The following PARD3B variants were observed in gnomAD, a reference collection of about 807,000 sequenced individuals.
PARD3B encodes par-3 family cell polarity regulator beta, also known as partitioning defective 3 homolog B.
PARD3B carries 103 observed loss-of-function variants against 130.2 expected under a neutral mutation model. The observed-to-expected ratio is 0.79, with a 90% CI of 0.67 to 0.93. PARD3B has a LOEUF of 0.93. Among genes scored for constraint, PARD3B ranks in the 40% least tolerant of loss-of-function variants. PARD3B has a pLI of 0.00. For synonymous variants in PARD3B, 583 were observed against 553.2 expected (o/e 1.05, Z -0.76); for missense variants, 1,609 against 1,499.2 (o/e 1.07, Z -1.21).
At chr2:205,337,769 T>C (rs557457305) in intron 18 of PARD3B, among the ~76,000 whole-genome samples, 1 of 152,338 alleles carries the variant, frequency 6.6e-6, no homozygotes, top group Non-Finnish European at 1.5e-5. Flanking sequence ...AATAAGTGCT[T>C]GTGTCAAAAA....
chr2:204,854,893 A>C (rs2044859224), intron 2 of PARD3B, among the ~76,000 whole-genome samples: 1 of 152,142 alleles, frequency 6.6e-6, no homozygotes, highest in Admixed American at 6.5e-5. Flanking sequence ...TAATAGGAAG[A>C]AAAGAAGAGA....
rs74924400 is a variant in PARD3B at position 205,581,578 on chromosome 2, T to C, written c.3260+28175T>C. Among the ~76,000 whole-genome samples, 384 of 150,498 alleles carry C rather than the reference T, an allele frequency of 2.6e-3. 2 individuals carry two copies. Among genetic ancestry groups the C allele is most frequent in the African/African-American group, 8.8e-3 (359 of 40,870 alleles). ...GGTAACTACAGCCAATAATTTAGTATATATTTTTAAATAACTAAAACAGTG... is the reference window on the plus strand; with the variant it reads ...GGTAACTACAGCCAATAATTTAGTACATATTTTTAAATAACTAAAACAGTG... On this transcript the variant is annotated intron_variant, in intron 22 of 22. Coordinates refer to ENST00000406610, the MANE Select transcript of PARD3B (RefSeq NM_001302769.2).
At chr2:204,574,730 G>A (rs2032168429) in intron 1 of PARD3B, among the ~76,000 whole-genome samples, 1 of 152,156 alleles carries the variant, frequency 6.6e-6, no homozygotes, top group Non-Finnish European at 1.5e-5. Flanking sequence ...ATATGGTGCT[G>A]GACACACACT....
rs1398499897 is a variant in PARD3B at position 205,352,161 on chromosome 2, G to A, written c.2631-48852G>A. On this transcript the variant is annotated intron_variant, in intron 18 of 22. Transcript: ENST00000406610. The surrounding 1 kb of genome is among the most constrained non-coding windows in gnomAD (Gnocchi z 5.2). ...CATTGAGCTTAGTGCTTTTTGTAGG[G>A]TCGGCATATTATAGGTTTCCCTCAT... is the stretch of plus-strand genomic sequence containing the variant. 1.3e-5 allele frequency among the ~76,000 whole-genome samples: 2 copies of A among 152,056 alleles called. No individual in the cohort carries two copies. The highest frequency in any genetic ancestry group is 4.8e-5 in the African/African-American group (2 of 41,400).
At chr2:205,246,149 A>G (rs796197569) in intron 16 of PARD3B, among the ~76,000 whole-genome samples, 14 of 152,150 alleles carry the variant, frequency 9.2e-5, no homozygotes, top group African/African-American at 3.4e-4. Flanking sequence ...TCCCATGATG[A>G]CTTTCATATT....
intron 18 of PARD3B, among the ~76,000 whole-genome samples, chr2:205,348,390 T>G (rs2043872897): frequency 1.3e-5 from 2 of 152,182 alleles, no homozygotes; most frequent in South Asian, 2.1e-4. Context: ...TATACCAAAG[T>G]CACACACTCA....
At chr2:205,442,015 A>AAAT (rs2047732207) in intron 20 of PARD3B, among the ~76,000 whole-genome samples, 2 of 152,298 alleles carry the variant, frequency 1.3e-5, no homozygotes, top group South Asian at 4.2e-4. Context: ...TTTATTGTAT[A>AAAT]AATAATAACA....
chr2:205,243,936 A>G (rs1439915932), intron 15 of PARD3B, among the ~76,000 whole-genome samples: 1 of 152,206 alleles, frequency 6.6e-6, no homozygotes, highest in Non-Finnish European at 1.5e-5. Context: ...AATCATTATC[A>G]TTGTTTTCTA....
rs1263316083 is a variant in PARD3B at position 205,572,317 on chromosome 2, G to A, written c.3260+18914G>A. ...ATTTGAAGAAGTGGCAAGATGTGTA[G>A]CACTTTATACAACACGCTAGGGACT... On this transcript the variant is annotated intron_variant, in intron 22 of 22. Coordinates refer to ENST00000406610, the MANE Select transcript of PARD3B (RefSeq NM_001302769.2). The surrounding 1 kb of genome is among the most constrained non-coding windows in gnomAD (Gnocchi z 4.2). Among the ~76,000 whole-genome samples the A allele has an allele frequency of 1.3e-5, 2 of 152,206 alleles. No individual in the cohort carries two copies. Among genetic ancestry groups the A allele is most frequent in the Admixed American group, 6.5e-5 (1 of 15,284 alleles).
intron 21 of PARD3B, among the ~76,000 whole-genome samples, chr2:205,508,746 G>C (rs1403491864): frequency 2.0e-5 from 3 of 152,098 alleles, no homozygotes; most frequent in African/African-American, 7.2e-5. Flanking sequence ...CAGTGGAACT[G>C]AGGATTGGAA....
intron 11 of PARD3B, among the ~76,000 whole-genome samples, chr2:205,166,614 G>A (rs2034834209): frequency 6.6e-6 from 1 of 152,150 alleles, no homozygotes; most frequent in African/African-American, 2.4e-5. Flanking sequence ...ATTTCAATCT[G>A]GAATACAAGG....
At chr2:204,711,048 A>G (rs2125298952) in intron 2 of PARD3B, among the ~76,000 whole-genome samples, 1 of 152,340 alleles carries the variant, frequency 6.6e-6, no homozygotes, top group East Asian at 1.9e-4. Context: ...TTTTAAATTT[A>G]ATATTGATGT....
At chr2:205,048,427 T>A (rs1163934182) in intron 4 of PARD3B, 1 of 152,224 alleles carries the variant, frequency 6.6e-6, no homozygotes, top group Non-Finnish European at 1.5e-5. Context: ...AAATCCTCAG[T>A]TGCTTTGAAG....
At chr2:205,022,851 G>A (rs931810623) in intron 3 of PARD3B, among the ~76,000 whole-genome samples, 2 of 152,144 alleles carry the variant, frequency 1.3e-5, no homozygotes, top group Non-Finnish European at 2.9e-5. Flanking sequence ...CAGAAAACAG[G>A]CATGCAAGGC....
chr2:205,305,881 C>T (rs116115644), intron 18 of PARD3B, among the ~76,000 whole-genome samples: 36 of 152,042 alleles, frequency 2.4e-4, no homozygotes, highest in African/African-American at 7.5e-4. Context: ...TAATAATGAC[C>T]CCTGAAGGTG....
intron 1 of PARD3B, among the ~76,000 whole-genome samples, chr2:204,568,117 G>C (rs1213381863): frequency 6.6e-6 from 1 of 152,156 alleles, no homozygotes; most frequent in African/African-American, 2.4e-5. Context: ...AAAGAGTTTT[G>C]ACTTTGCAGA....
At chr2:205,439,932 C>T (rs548465550) in intron 19 of PARD3B, among the ~76,000 whole-genome samples, 1 of 152,248 alleles carries the variant, frequency 6.6e-6, no homozygotes, top group East Asian at 1.9e-4. Context: ...TACACAGGAA[C>T]TCTAGGGCAC....
intron 1 of PARD3B, among the ~76,000 whole-genome samples, chr2:204,672,907 A>G (rs951581136): frequency 2.0e-5 from 3 of 152,254 alleles, no homozygotes; most frequent in Admixed American, 2.0e-4. Flanking sequence ...TGCTGGGATT[A>G]CAGTGGCATA....
intron 1 of PARD3B, among the ~76,000 whole-genome samples, chr2:204,564,366 G>T (rs2031542731): frequency 6.6e-6 from 1 of 152,184 alleles, no homozygotes; most frequent in African/African-American, 2.4e-5. Flanking sequence ...GACAAATGCA[G>T]TAGAGGATGA....
Sources: allele counts gnomAD v4.1 joint callset (sites outside exome capture counted in the v4.1 genomes callset), GRCh38; gene constraint gnomAD v4.1.1; non-coding constraint Gnocchi (gnomAD v3.1); transcripts MANE v1.5; gene names NCBI Gene and HGNC (gene_info 2026-07-23, HGNC 2026-07-21).